The following NRXN1 variants were observed in gnomAD, a reference collection of about 807,000 sequenced individuals.
NRXN1 encodes neurexin 1, also known as neurexin-1.
A neutral mutation model predicts 150.9 loss-of-function variants in NRXN1; 39 were observed. The observed-to-expected ratio is 0.26, with a 90% confidence interval of 0.20 to 0.34. The LOEUF is 0.34. Ranked by LOEUF, NRXN1 falls within the 10% of genes least tolerant of loss-of-function variation. The pLI is 1.00. For missense variants in NRXN1, 1,815 were observed against 1,949.9 expected (o/e 0.93, Z 1.30); for synonymous variants, 924 against 757.0 (o/e 1.22, Z -3.62).
intron 21 of NRXN1, among the ~76,000 whole-genome samples, chr2:50,031,632 T>C (rs576357931): frequency 1.2e-4 from 19 of 152,254 alleles, no homozygotes; most frequent in African/African-American, 4.6e-4. Context: ...CTTGTCTATA[T>C]ACTAACTGTG....
At chr2:50,747,570 G>C (rs1161465531) in intron 5 of NRXN1, among the ~76,000 whole-genome samples, 1 of 151,816 alleles carries the variant, frequency 6.6e-6, no homozygotes, top group Non-Finnish European at 1.5e-5. Context: ...TTCCAACTTC[G>C]ATTCAGACAT....
At chr2:50,093,556 GC>G (rs1699853684) in intron 18 of NRXN1, among the ~76,000 whole-genome samples, 1 of 151,854 alleles carries the variant, frequency 6.6e-6, no homozygotes. Context: ...GATCACTTGA[GC>G]CCCGGAGGCT....
In NRXN1 at chr2:50,459,652, TTA is replaced by T. The variant is rs1308522786; in HGVS notation, c.3364+5788_3364+5789del. Among the ~76,000 whole-genome samples, 8 of 152,298 alleles carry T rather than the reference TTA, an allele frequency of 5.3e-5. No individual in the cohort carries two copies. In the East Asian group the frequency reaches 1.5e-3, roughly 29 times the overall value. On this transcript the variant is annotated intron_variant, in intron 17 of 22. Coordinates refer to ENST00000401669, the MANE Select transcript of NRXN1 (RefSeq NM_001330078.2). ...ACAAAAGACATTATCTCATTTCTTT[TTA>T]TGTTTGCATGGTATTCTATGGTGTA...
At chr2:50,336,200 AAC>A (rs2077181702) in intron 17 of NRXN1, among the ~76,000 whole-genome samples, 1 of 152,228 alleles carries the variant, frequency 6.6e-6, no homozygotes, top group Non-Finnish European at 1.5e-5. Flanking sequence ...GTAAATAAAC[AAC>A]AACAATTCTG....
At chr2:50,366,420 C>T (rs2079587577) in intron 17 of NRXN1, among the ~76,000 whole-genome samples, 1 of 151,708 alleles carries the variant, frequency 6.6e-6, no homozygotes. Flanking sequence ...ATGGGGCTAT[C>T]AACTTAGACA....
At chr2:50,756,608 TG>T (rs1334015889) in intron 5 of NRXN1, among the ~76,000 whole-genome samples, 1 of 151,812 alleles carries the variant, frequency 6.6e-6, no homozygotes, top group African/African-American at 2.4e-5. Context: ...ATTATTTAGA[TG>T]GACAGAGCTT....
chr2:50,344,067 G>T (rs1057030913), intron 17 of NRXN1, among the ~76,000 whole-genome samples: 2 of 151,998 alleles, frequency 1.3e-5, no homozygotes, highest in Non-Finnish European at 2.9e-5. Context: ...TTCTTTACTT[G>T]TGGGTCCTTT....
At chr2:50,223,156 T>C (rs1346867539) in intron 18 of NRXN1, among the ~76,000 whole-genome samples, 2 of 151,902 alleles carry the variant, frequency 1.3e-5, no homozygotes, top group Non-Finnish European at 2.9e-5. Flanking sequence ...CTAGTTTATG[T>C]CTGGATGCTT....
intron 18 of NRXN1, among the ~76,000 whole-genome samples, chr2:50,230,904 T>C (rs2064879516): frequency 6.6e-6 from 1 of 152,096 alleles, no homozygotes; most frequent in South Asian, 2.1e-4. Context: ...TCCCCAAAAA[T>C]GACTTTTACA....
intron 2 of NRXN1, among the ~76,000 whole-genome samples, chr2:50,978,271 CATATATATATATATATATATATAT>C (rs10671122): frequency 2.1e-5 from 2 of 95,038 alleles, no homozygotes; most frequent in East Asian, 2.9e-4. Flanking sequence ...GGATATTATA[CATATATATATATATATATATATAT>C]ATATATATAT....
intron 18 of NRXN1, among the ~76,000 whole-genome samples, chr2:50,231,750 A>G (rs1220798941): frequency 1.3e-5 from 2 of 152,092 alleles, no homozygotes; most frequent in East Asian, 3.9e-4. Context: ...ATTTATAGTG[A>G]CTTTCTTCTG....
At position 50,256,784 on chromosome 2, in the gene NRXN1, T is replaced by C. The variant is rs148663566; in HGVS notation, c.3365-19814A>G. Among the ~76,000 whole-genome samples, 535 of 152,238 alleles carry C rather than the reference T, an allele frequency of 3.5e-3. 2 individuals are homozygous for C. Among genetic ancestry groups the C allele is most frequent in the African/African-American group, 0.012 (498 of 41,566 alleles). ...GAGATGAGCAAAAATGATGTGTGTT[T>C]ATTCTAGTTCAGATCCTGAAATGTG... On this transcript the variant is annotated intron_variant, in intron 17 of 22. Transcript: ENST00000401669.
In NRXN1 at chr2:50,345,908, G is replaced by A. The variant is rs568559701; in HGVS notation, c.3365-108938C>T. 1.8e-4 allele frequency among the ~76,000 whole-genome samples: 27 copies of A among 152,310 alleles called. 1 individual carries two copies. Among genetic ancestry groups the A allele is most frequent in the African/African-American group, 5.3e-4 (22 of 41,576 alleles). On this transcript the variant is annotated intron_variant, in intron 17 of 22. Coordinates refer to ENST00000401669, the MANE Select transcript of NRXN1 (RefSeq NM_001330078.2). ...CCTGGTTCCAATAGCCTTCACACGTGATCCTCCGGGAGATGGGTATGTGTA... is the reference window on the plus strand; with the variant it reads ...CCTGGTTCCAATAGCCTTCACACGTAATCCTCCGGGAGATGGGTATGTGTA...
At chr2:50,827,265 T>C (rs1421156700) in intron 5 of NRXN1, among the ~76,000 whole-genome samples, 1 of 152,256 alleles carries the variant, frequency 6.6e-6, no homozygotes, top group African/African-American at 2.4e-5. Context: ...CATTTTTACC[T>C]ATACTTCAAT....
intron 12 of NRXN1, among the ~76,000 whole-genome samples, chr2:50,519,479 T>A (rs369631868): frequency 4.5e-4 from 69 of 152,120 alleles, no homozygotes; most frequent in African/African-American, 1.5e-3. Flanking sequence ...AAAATGGCAA[T>A]TGTCCAACTA....
chr2:50,840,467 C>T (rs188352398), intron 5 of NRXN1, among the ~76,000 whole-genome samples: 1 of 152,186 alleles, frequency 6.6e-6, no homozygotes, highest in Admixed American at 6.5e-5. Context: ...TATAGAGGTC[C>T]AGATGGTGCA....
At chr2:50,579,005 A>T (rs1378974538) in intron 8 of NRXN1, among the ~76,000 whole-genome samples, 1 of 152,148 alleles carries the variant, frequency 6.6e-6, no homozygotes, top group Non-Finnish European at 1.5e-5. Context: ...TTTCATTTTC[A>T]GATTTATTTT....
intron 17 of NRXN1, among the ~76,000 whole-genome samples, chr2:50,421,719 G>A (rs1209834728): frequency 6.6e-6 from 1 of 152,112 alleles, no homozygotes; most frequent in Non-Finnish European, 1.5e-5. Flanking sequence ...GCAATTCAAT[G>A]TATTTTGTAG....
At chr2:50,014,792 A>G (rs1489489533) in intron 21 of NRXN1, among the ~76,000 whole-genome samples, 2 of 152,112 alleles carry the variant, frequency 1.3e-5, no homozygotes, top group African/African-American at 4.8e-5. Context: ...ACTATTGTCT[A>G]TTACATCCCC....
Sources: gnomAD v4.1 joint callset for allele counts (sites outside exome capture counted in the v4.1 genomes callset) on GRCh38, gnomAD v4.1.1 for gene constraint, MANE v1.5 for transcripts, NCBI Gene and HGNC (gene_info 2026-07-23, HGNC 2026-07-21) for gene names.